Variants in PRKG1 observed in about 807,000 individuals in gnomAD.
PRKG1 encodes cGMP-dependent protein kinase 1.
A neutral mutation model predicts 88.1 loss-of-function variants in PRKG1; 35 were observed. The ratio of observed to expected loss-of-function variants is 0.40; its 90% CI spans 0.30 to 0.53. PRKG1 has a LOEUF of 0.53. Ranked by LOEUF, PRKG1 falls within the 20% of genes least tolerant of loss-of-function variation. The pLI, the probability that PRKG1 is intolerant of heterozygous loss-of-function variation, is 0.59. For missense variants in PRKG1, 540 were observed against 839.8 expected, an observed-to-expected ratio of 0.64 and a Z score of 4.41; for synonymous variants, 303 against 292.5, an observed-to-expected ratio of 1.04 and a Z score of -0.37.
intron 2 of PRKG1, among the ~76,000 whole-genome samples, chr10:51,283,799 T>G (rs554819939): frequency 6.6e-4 from 100 of 152,294 alleles, no homozygotes; most frequent in African/African-American, 2.4e-3. Flanking sequence ...ATAAAACTGA[T>G]TTACCACACT....
At chr10:51,815,677 TTTTG>T (rs986444786) in intron 4 of PRKG1, among the ~76,000 whole-genome samples, 38 of 152,298 alleles carry the variant, frequency 2.5e-4, no homozygotes, top group African/African-American at 8.2e-4. Context: ...ATAGGTCCTT[TTTTG>T]TTTGTTTGTT....
At chr10:51,118,869 G>A (rs1589165943) in intron 1 of PRKG1, among the ~76,000 whole-genome samples, 1 of 152,112 alleles carries the variant, frequency 6.6e-6, no homozygotes, top group South Asian at 2.1e-4. Context: ...TTAATTGAAG[G>A]GAAAAGCAAC....
intron 5 of PRKG1, among the ~76,000 whole-genome samples, chr10:51,917,965 C>T (rs1842379885): frequency 6.6e-6 from 1 of 152,180 alleles, no homozygotes; most frequent in South Asian, 2.1e-4. Flanking sequence ...AAACTATATT[C>T]ATATTTCCTT....
intron 7 of PRKG1, chr10:52,062,955 C>A: frequency 1.6e-6 from 1 of 611,666 alleles, no homozygotes; most frequent in South Asian, 2.0e-5. Context: ...TGATTTTACT[C>A]AGAATCATTA....
intron 3 of PRKG1, among the ~76,000 whole-genome samples, chr10:51,745,164 T>C (rs1837545174): frequency 1.3e-5 from 2 of 152,218 alleles, no homozygotes; most frequent in South Asian, 4.1e-4. Context: ...TATCCTACCA[T>C]CACCTTATTT....
At chr10:51,530,683 A>T (rs1841995756) in intron 3 of PRKG1, among the ~76,000 whole-genome samples, 1 of 152,156 alleles carries the variant, frequency 6.6e-6, no homozygotes, top group Admixed American at 6.5e-5. Flanking sequence ...ATGTGCCTTA[A>T]TGCATCACAC....
intron 5 of PRKG1, among the ~76,000 whole-genome samples, chr10:51,954,802 T>C (rs940929635): frequency 1.3e-5 from 2 of 152,204 alleles, no homozygotes; most frequent in Non-Finnish European, 2.9e-5. Flanking sequence ...GTATTGCTTA[T>C]GGTTTCTTTT....
intron 4 of PRKG1, among the ~76,000 whole-genome samples, chr10:51,846,163 A>C (rs1234566489): frequency 2.6e-5 from 4 of 152,166 alleles, no homozygotes; most frequent in Non-Finnish European, 5.9e-5. Context: ...AATAAAGTTC[A>C]TAGAAACAAC....
chr10:52,137,227 G>A (rs1289490590), intron 8 of PRKG1, among the ~76,000 whole-genome samples: 1 of 152,006 alleles, frequency 6.6e-6, no homozygotes, highest in East Asian at 1.9e-4. Context: ...AACTAATCAT[G>A]CATGTCATTG....
At chr10:51,959,187 A>G (rs1843385820) in intron 5 of PRKG1, among the ~76,000 whole-genome samples, 2 of 152,198 alleles carry the variant, frequency 1.3e-5, no homozygotes, top group African/African-American at 2.4e-5. Flanking sequence ...CTTCTCTCAT[A>G]GACTAGACAC....
At chr10:51,923,676 C>T (rs1350151859) in intron 5 of PRKG1, among the ~76,000 whole-genome samples, 1 of 151,590 alleles carries the variant, frequency 6.6e-6, no homozygotes, top group African/African-American at 2.4e-5. Flanking sequence ...ATTCCTGTCC[C>T]TTATAAGGTT....
chr10:52,097,510 A>C (rs1847199240), intron 7 of PRKG1, among the ~76,000 whole-genome samples: 1 of 152,088 alleles, frequency 6.6e-6, no homozygotes, highest in African/African-American at 2.4e-5. Flanking sequence ...AGATAACCAA[A>C]ATTTAATCTA....
chr10:51,120,589 G>A (rs750240135), intron 1 of PRKG1, among the ~76,000 whole-genome samples: 1 of 152,074 alleles, frequency 6.6e-6, no homozygotes, highest in Non-Finnish European at 1.5e-5. Flanking sequence ...AGAGGAGTTT[G>A]CAATGACCAT....
At chr10:50,992,691 T>C (rs1322351568) in intron 1 of PRKG1, among the ~76,000 whole-genome samples, 1 of 152,054 alleles carries the variant, frequency 6.6e-6, no homozygotes, top group Non-Finnish European at 1.5e-5. Flanking sequence ...TGGCCACAAG[T>C]AGGAAGCTTT....
At chr10:51,059,540 G>T (rs368651483) in intron 1 of PRKG1, among the ~76,000 whole-genome samples, 3 of 151,966 alleles carry the variant, frequency 2.0e-5, no homozygotes, top group East Asian at 1.9e-4. Flanking sequence ...GAGATTATGC[G>T]CATGAGCCGC....
chr10:51,526,120 A>AC (rs1307355035), intron 3 of PRKG1, among the ~76,000 whole-genome samples: 1 of 152,142 alleles, frequency 6.6e-6, no homozygotes, highest in African/African-American at 2.4e-5. Context: ...ATGCCCAGTC[A>AC]CTTCGCTACT....
intron 3 of PRKG1, among the ~76,000 whole-genome samples, chr10:51,787,605 A>G (rs1838760963): frequency 6.6e-6 from 1 of 152,122 alleles, no homozygotes; most frequent in South Asian, 2.1e-4. Flanking sequence ...ATTTATACCT[A>G]TCTTCACCTC....
At chr10:51,183,609 G>T (rs1837408539) in intron 2 of PRKG1, among the ~76,000 whole-genome samples, 1 of 152,136 alleles carries the variant, frequency 6.6e-6, no homozygotes, top group African/African-American at 2.4e-5. Context: ...ACTTACCCAA[G>T]ATCAAGGTTA....
intron 1 of PRKG1, among the ~76,000 whole-genome samples, chr10:51,115,566 G>A (rs1845100978): frequency 1.3e-5 from 2 of 151,184 alleles, no homozygotes; most frequent in Admixed American, 1.3e-4. Flanking sequence ...AAGGCTGGGT[G>A]TGGTGGCTCA....
Sources: gnomAD v4.1 joint callset for allele counts (sites outside exome capture counted in the v4.1 genomes callset) on GRCh38, gnomAD v4.1.1 for gene constraint, MANE v1.5 for transcripts, NCBI Gene and HGNC (gene_info 2026-07-23, HGNC 2026-07-21) for gene names.